The following CYP2U1 variants were observed in gnomAD, a reference collection of about 807,000 sequenced individuals.
The protein encoded by CYP2U1 is cytochrome P450 family 2 subfamily U member 1, also known as cytochrome P450 2U1.
Under a neutral mutation model 42.8 loss-of-function variants are expected in CYP2U1, and 28 were observed. The ratio of observed to expected loss-of-function variants is 0.65; its 90% CI spans 0.48 to 0.90. The LOEUF (loss-of-function observed/expected upper bound fraction) is 0.90. CYP2U1 is among the 40% of genes least tolerant of loss of function. The probability of loss-of-function intolerance (pLI) is 0.00; values close to 1 mark genes in which losing one functional copy is unlikely to be tolerated. For synonymous variants in CYP2U1, 296 were observed against 278.9 expected (o/e 1.06, Z -0.61); for missense variants, 642 against 693.8 (o/e 0.93, Z 0.84).
At chr4:107,941,713 TTTAAA>T (rs1733501837) in intron 1 of CYP2U1, among the ~76,000 whole-genome samples, 1 of 152,006 alleles carries the variant, frequency 6.6e-6, no homozygotes, top group African/African-American at 2.4e-5. Context: ...AATGTAGAGC[TTTAAA>T]TTATTTATTA....
At chr4:107,936,667 C>T (rs376132520) in intron 1 of CYP2U1, 1 of 152,178 alleles carries the variant, frequency 6.6e-6, no homozygotes, top group East Asian at 1.9e-4. Flanking sequence ...TGATCTGTTT[C>T]TTCTAAAAGG....
At chr4:107,938,682 T>G (rs1733367580) in intron 1 of CYP2U1, 1 of 152,236 alleles carries the variant, frequency 6.6e-6, no homozygotes, top group African/African-American at 2.4e-5. Flanking sequence ...CTTGAGGGTA[T>G]ATTTTTGTTA....
chr4:107,937,165 T>C (rs1235768028), intron 1 of CYP2U1, among the ~76,000 whole-genome samples: 1 of 152,162 alleles, frequency 6.6e-6, no homozygotes, highest in African/African-American at 2.4e-5. Context: ...TTTAGAAGTA[T>C]GGGATAGATC....
intron 1 of CYP2U1, among the ~76,000 whole-genome samples, chr4:107,943,378 A>G (rs1379177460): frequency 6.6e-6 from 1 of 152,362 alleles, no homozygotes; most frequent in South Asian, 2.1e-4. Flanking sequence ...AGGAAGTCCA[A>G]TGGTAAAATA....
At position 107,945,127 on chromosome 4, in the gene CYP2U1, C is replaced by A. The variant is rs774149338; in HGVS notation, c.648C>A (p.Asp216Glu). The A allele has an allele frequency of 9.3e-6, 15 of 1,613,818 alleles. No homozygotes were observed. The East Asian group carries it at 3.1e-4, about 34-fold the overall frequency. The change falls in exon 2 of 5, where the codon GAC becomes GAA. Residue 216 changes from aspartate to glutamate, a missense_variant. Physicochemically the swap from Asp to Glu is conservative, Grantham distance 45 (BLOSUM62 2). Coordinates refer to ENST00000332884, the MANE Select transcript of CYP2U1 (RefSeq NM_183075.3). ...CAGAAATGCAAAAGCACGGAGAAGACCCCTTCTGCCCTTTCTCCATCATCA... is the reference window on the plus strand; with the variant it reads ...CAGAAATGCAAAAGCACGGAGAAGAACCCTTCTGCCCTTTCTCCATCATCA... ...VKAEMQKHGE[D>E]PFCPFSIISN...
At chr4:107,934,620 G>A (rs2131463) in intron 1 of CYP2U1, among the ~76,000 whole-genome samples, 58,902 of 151,862 alleles carry the variant, frequency 0.39, 11,892 homozygotes, top group East Asian at 0.68. Flanking sequence ...CTCCTTACTT[G>A]ACCTACTATG....
At position 107,948,095 on chromosome 4, in the gene CYP2U1, C is replaced by T. The variant is rs1041679579; in HGVS notation, c.1288+558C>T. On this transcript the variant is annotated intron_variant, in intron 3 of 4. Coordinates refer to ENST00000332884, the MANE Select transcript of CYP2U1 (RefSeq NM_183075.3). ...CCAGCCTGGACAAGATGGTGAAACC[C>T]CATCCCTACTAAAAATACAGAAATT... is the stretch of plus-strand genomic sequence containing the variant. Among the ~76,000 whole-genome samples the T allele has an allele frequency of 2.0e-5, 3 of 151,812 alleles. No homozygotes were observed. In the East Asian group the frequency reaches 5.8e-4, roughly 29 times the overall value.
intron 1 of CYP2U1, chr4:107,938,437 C>A (rs1307352720): frequency 1.3e-5 from 2 of 152,298 alleles, no homozygotes; most frequent in South Asian, 2.1e-4. Context: ...CAGGTTGAAT[C>A]TAGAAAATAG....
Position 107,931,797 on chromosome 4 carries a change from C to G in CYP2U1, c.154C>G (p.Arg52Gly), listed in dbSNP as rs1732990193. The change falls in exon 1 of 5, where the codon CGG becomes GGG. Residue 52 changes from arginine (R) to glycine (G), a missense_variant. By Grantham distance (125) the Arg-to-Gly change is moderately radical. Coordinates refer to ENST00000332884, the MANE Select transcript of CYP2U1 (RefSeq NM_183075.3). Reference sequence around the variant, plus strand: ...AGCGCTGCTGGGCTGGAGCTGGCTGCGGAGGCGCCGGGCGCGGGGCATCCC... The same window carrying G: ...AGCGCTGCTGGGCTGGAGCTGGCTGGGGAGGCGCCGGGCGCGGGGCATCCC... The part of the protein sequence containing the change: ...LVALLGWSWL[R>G]RRRARGIPPG... The G allele has an allele frequency of 6.6e-7, 1 of 1,512,054 alleles. No individual in the cohort carries two copies. Among genetic ancestry groups the G allele is most frequent in the Admixed American group, 2.1e-5 (1 of 47,508 alleles). The allele number at this position is 1,512,054 out of a possible 1,614,324, so 93.7% of individuals were successfully genotyped here.
Position 107,931,599 on chromosome 4 carries a change from TC to T in CYP2U1, c.-43del, listed in dbSNP as rs1248544039. On this transcript the variant is annotated 5_prime_UTR_variant, in exon 1 of 5. Transcript: ENST00000332884. ...CGGGTCAGGCAGCTGCGTGCGCGTC[TC>T]CTCCAGGCAGCAAGGGGAACCCGAG... 3 of 1,239,186 alleles carry T rather than the reference TC, an allele frequency of 2.4e-6. No individual in the cohort carries two copies. The highest frequency in any genetic ancestry group is 3.0e-6 in the Non-Finnish European group (3 of 993,428). 76.8% of individuals were successfully genotyped at this position (1,239,186 alleles called of 1,614,324 possible).
At chr4:107,938,114 A>G (rs1326146158) in intron 1 of CYP2U1, 1 of 152,082 alleles carries the variant, frequency 6.6e-6, no homozygotes, top group African/African-American at 2.4e-5. Flanking sequence ...TTTACCCTTA[A>G]CTGTGGTTGA....
chr4:107,938,520 G>A (rs1733360257), intron 1 of CYP2U1: 1 of 152,106 alleles, frequency 6.6e-6, no homozygotes, highest in Non-Finnish European at 1.5e-5. Flanking sequence ...TTGAAAAGCT[G>A]GTTTGCAGTT....
chr4:107,950,294 A>G lies in CYP2U1; in HGVS notation c.1506A>G (p.Leu502=), dbSNP rs1337425185. The G allele has an allele frequency of 6.2e-7, 1 of 1,613,884 alleles. No individual in the cohort carries two copies. The highest frequency in any genetic ancestry group is 1.7e-5 in the Admixed American group (1 of 59,964). ...GEQLAKMELF[L]MFVSLMQSFA... Reference sequence around the variant, plus strand: ...AACTGGCAAAGATGGAATTATTCCTAATGTTTGTGAGCCTAATGCAGAGTT... The same window carrying G: ...AACTGGCAAAGATGGAATTATTCCTGATGTTTGTGAGCCTAATGCAGAGTT... The change falls in exon 5 of 5, where the codon CTA becomes CTG. Residue 502 remains leucine (L), a synonymous_variant. Coordinates refer to ENST00000332884, the MANE Select transcript of CYP2U1 (RefSeq NM_183075.3).
In CYP2U1 at chr4:107,936,517, C is replaced by G. The variant is rs184619561; in HGVS notation, c.490+4384C>G. 1.1e-3 allele frequency: 170 copies of G among 153,528 alleles called. No homozygotes were observed. In the Middle Eastern group the frequency reaches 0.017, roughly 15 times the overall value. 9.5% of individuals were successfully genotyped at this position (153,528 alleles called of 1,614,324 possible). On this transcript the variant is annotated intron_variant, in intron 1 of 4. Coordinates refer to ENST00000332884, the MANE Select transcript of CYP2U1 (RefSeq NM_183075.3). ...TGCCTTCCACCATGGGATGATGCAG[C>G]ATGAAGGCCCTTGCCAGATGCCAGT...
chr4:107,949,108 TATTA>T (rs1264746153), intron 3 of CYP2U1, among the ~76,000 whole-genome samples: 1 of 152,198 alleles, frequency 6.6e-6, no homozygotes, highest in Non-Finnish European at 1.5e-5. Flanking sequence ...TGGTTTTATT[TATTA>T]ATTCAGCATT....
chr4:107,949,511 G>A lies in CYP2U1; in HGVS notation c.1450G>A (p.Gly484Arg), dbSNP rs778023609. ...LIKKETFIPF[G>R]IGKRVCMGEQ... is the part of the protein sequence containing the mutation. ...TAAAAAAGAAACCTTTATTCCTTTT[G>A]GGATAGGTCAGTTACACTTTTTTAA... The change falls in exon 4 of 5, where the codon GGG becomes AGG. Residue 484 changes from glycine (G) to arginine (R), a missense_variant. Coordinates refer to ENST00000332884, the MANE Select transcript of CYP2U1 (RefSeq NM_183075.3). 2 of 1,555,400 alleles carry A rather than the reference G, an allele frequency of 1.3e-6. No individual in the cohort carries two copies. Among genetic ancestry groups the A allele is most frequent in the African/African-American group, 2.8e-5 (2 of 72,576 alleles).
Position 107,931,560 on chromosome 4 carries a change from G to A in CYP2U1, c.-84G>A. On this transcript the variant is annotated 5_prime_UTR_variant, in exon 1 of 5. Coordinates refer to ENST00000332884, the MANE Select transcript of CYP2U1 (RefSeq NM_183075.3). ...GCCCCCGACCTTCCAGAGCAGAGCAGGACACTGGCGCCGCGGGTCAGGCAG... is the reference window on the plus strand; with the variant it reads ...GCCCCCGACCTTCCAGAGCAGAGCAAGACACTGGCGCCGCGGGTCAGGCAG... 3 of 1,197,014 alleles carry A rather than the reference G, an allele frequency of 2.5e-6. No individual in the cohort carries two copies. Among genetic ancestry groups the A allele is most frequent in the Non-Finnish European group, 2.1e-6 (2 of 962,156 alleles). The allele number at this position is 1,197,014 out of a possible 1,614,324, so 74.1% of individuals were successfully genotyped here. A position where few individuals can be genotyped will look rare whatever the true frequency, so the allele number is the denominator to read the frequency against.
intron 2 of CYP2U1, 66 bp downstream of exon 2, chr4:107,945,671 C>T: frequency 6.6e-7 from 1 of 1,510,368 alleles, no homozygotes; most frequent in East Asian, 2.3e-5. Context: ...TTAGCAACCT[C>T]AGTGATCTGG....
rs112053024 is a variant in CYP2U1, at chr4:107,931,607, G to C, written c.-37G>C. On this transcript the variant is annotated 5_prime_UTR_variant, in exon 1 of 5. Coordinates refer to ENST00000332884, the MANE Select transcript of CYP2U1 (RefSeq NM_183075.3). ...GCAGCTGCGTGCGCGTCTCCTCCAG[G>C]CAGCAAGGGGAACCCGAGGCCGCCG... 2 of 1,246,174 alleles carry C rather than the reference G, an allele frequency of 1.6e-6. No individual in the cohort carries two copies. Among genetic ancestry groups the C allele is most frequent in the Non-Finnish European group, 2.0e-6 (2 of 998,290 alleles). 77.2% of individuals were successfully genotyped at this position (1,246,174 alleles called of 1,614,324 possible).
Sources: gnomAD v4.1 joint callset for allele counts (sites outside exome capture counted in the v4.1 genomes callset) on GRCh38, gnomAD v4.1.1 for gene constraint, MANE v1.5 for transcripts, NCBI Gene and HGNC (gene_info 2026-07-23, HGNC 2026-07-21) for gene names.